The following CNGB3 variants were observed in gnomAD, a reference collection of about 807,000 sequenced individuals.
CNGB3 encodes cyclic nucleotide-gated channel beta-3.
In CNGB3, 86 loss-of-function variants were observed where a neutral mutation model predicts 92.8. The ratio of observed to expected loss-of-function variants is 0.93; its 90% CI spans 0.78 to 1.11. CNGB3 has a LOEUF of 1.11. Among genes scored for constraint, CNGB3 ranks in the 50% least tolerant of loss-of-function variants. The pLI is 0.00. For missense variants in CNGB3, 1,026 were observed against 956.8 expected, an observed-to-expected ratio of 1.07 and a Z score of -0.95; for synonymous variants, 333 against 332.7, an observed-to-expected ratio of 1.00 and a Z score of -0.01.
At chr8:86,602,510 C>A (rs1373148476) in intron 15 of CNGB3, among the ~76,000 whole-genome samples, 3 of 152,236 alleles carry the variant, frequency 2.0e-5, no homozygotes, top group Middle Eastern at 3.4e-3. Flanking sequence ...GATCACTGGA[C>A]CCCGATCCGT....
At chr8:86,688,325 A>T (rs907632287) in intron 3 of CNGB3, among the ~76,000 whole-genome samples, 1 of 152,092 alleles carries the variant, frequency 6.6e-6, no homozygotes, top group South Asian at 2.1e-4. Flanking sequence ...AAAATGGACA[A>T]ATATTACCTG....
chr8:86,629,640 G>C (rs1822921916), intron 11 of CNGB3, among the ~76,000 whole-genome samples: 2 of 152,120 alleles, frequency 1.3e-5, no homozygotes, highest in Admixed American at 1.3e-4. Context: ...TTCCCTTTGT[G>C]TTGTTTAGAC....
chr8:86,597,605 T>C (rs73271527), intron 15 of CNGB3, among the ~76,000 whole-genome samples: 5,929 of 151,946 alleles, frequency 0.039, 326 homozygotes, highest in African/African-American at 0.13. Context: ...GCGGAGGTAA[T>C]AGAATGTGCA....
chr8:86,736,976 G>A (rs753098270), intron 2 of CNGB3, among the ~76,000 whole-genome samples: 5 of 152,194 alleles, frequency 3.3e-5, no homozygotes, highest in East Asian at 1.9e-4. Flanking sequence ...TTGCATTCAC[G>A]TTGAAAAATA....
chr8:86,646,490 G>T (rs371968870), intron 8 of CNGB3, among the ~76,000 whole-genome samples: 1 of 151,162 alleles, frequency 6.6e-6, no homozygotes, highest in Admixed American at 6.6e-5. Context: ...AGATTTTTCC[G>T]CCATGCTAAT....
intron 3 of CNGB3, among the ~76,000 whole-genome samples, chr8:86,690,345 CT>C (rs1302216228): frequency 1.2e-4 from 18 of 152,310 alleles, no homozygotes; most frequent in African/African-American, 4.3e-4. Context: ...GTGTTTTTGG[CT>C]GCATAAATGT....
intron 13 of CNGB3, among the ~76,000 whole-genome samples, 159 bp from the exon 14 acceptor site, chr8:86,611,830 GA>G (rs1401300778): frequency 1.3e-5 from 2 of 151,526 alleles, no homozygotes; most frequent in Non-Finnish European, 2.9e-5. Flanking sequence ...TCAAAATTTA[GA>G]AAAAAAATAC....
intron 2 of CNGB3, among the ~76,000 whole-genome samples, chr8:86,729,628 A>G (rs1825125862): frequency 6.6e-6 from 1 of 152,246 alleles, no homozygotes; most frequent in Non-Finnish European, 1.5e-5. Flanking sequence ...AAGCAGAACA[A>G]CAACTTAAAA....
intron 13 of CNGB3, among the ~76,000 whole-genome samples, chr8:86,621,814 C>T (rs1338874097): frequency 2.0e-5 from 3 of 152,166 alleles, no homozygotes; most frequent in Non-Finnish European, 4.4e-5. Flanking sequence ...CCTGTAATCC[C>T]AGCACTTTGG....
chr8:86,583,811 T>C (rs891876161), intron 15 of CNGB3, among the ~76,000 whole-genome samples: 1 of 148,992 alleles, frequency 6.7e-6, no homozygotes, highest in Non-Finnish European at 1.5e-5. Flanking sequence ...TCCCAGCTAC[T>C]TGGGAGGCTG....
intron 5 of CNGB3, 101 bp downstream of exon 5, chr8:86,667,918 A>T (rs1484647998): frequency 1.6e-6 from 2 of 1,271,340 alleles, no homozygotes; most frequent in Non-Finnish European, 1.1e-6. Flanking sequence ...TAGATTGAGA[A>T]TATGAAGTAA....
intron 3 of CNGB3, among the ~76,000 whole-genome samples, chr8:86,720,862 A>G (rs1255401231): frequency 1.3e-5 from 2 of 150,658 alleles, no homozygotes; most frequent in Admixed American, 1.3e-4. Context: ...ACACACACAC[A>G]CACACACACA....
intron 3 of CNGB3, among the ~76,000 whole-genome samples, chr8:86,705,843 G>A (rs1347662963): frequency 1.3e-5 from 2 of 152,202 alleles, no homozygotes; most frequent in South Asian, 4.1e-4. Context: ...TTTAAATGAT[G>A]TGGATTATAG....
intron 8 of CNGB3, among the ~76,000 whole-genome samples, chr8:86,646,103 G>A (rs1823287955): frequency 6.6e-6 from 1 of 151,022 alleles, no homozygotes; most frequent in South Asian, 2.1e-4. Flanking sequence ...TTATCATAAT[G>A]CCAGATAAAC....
intron 8 of CNGB3, among the ~76,000 whole-genome samples, chr8:86,645,242 A>T (rs1563738653): frequency 6.6e-6 from 1 of 151,324 alleles, no homozygotes; most frequent in Non-Finnish European, 1.5e-5. Flanking sequence ...AAGCAGAGTT[A>T]CTATTTCCCT....
chr8:86,723,227 C>T (rs544835465), intron 3 of CNGB3, among the ~76,000 whole-genome samples: 13 of 152,118 alleles, frequency 8.5e-5, no homozygotes, highest in Non-Finnish European at 1.9e-4. Flanking sequence ...CCCTATTCAG[C>T]TCAAGGCTTA....
intron 9 of CNGB3, among the ~76,000 whole-genome samples, chr8:86,644,094 A>T (rs555774662): frequency 6.6e-6 from 1 of 151,178 alleles, no homozygotes; most frequent in African/African-American, 2.4e-5. Context: ...AAAAAGAAAA[A>T]GAAAACTTCC....
chr8:86,728,091 C>T (rs1825094968), intron 2 of CNGB3, among the ~76,000 whole-genome samples: 1 of 152,110 alleles, frequency 6.6e-6, no homozygotes, highest in African/African-American at 2.4e-5. Flanking sequence ...CATCTCCTAT[C>T]TACTTTTATT....
At chr8:86,585,977 T>C (rs1380324824) in intron 15 of CNGB3, among the ~76,000 whole-genome samples, 1 of 152,190 alleles carries the variant, frequency 6.6e-6, no homozygotes, top group African/African-American at 2.4e-5. Flanking sequence ...GAGAAACAAA[T>C]AATCTGTTTT....
Sources: gnomAD v4.1 joint callset for allele counts (sites outside exome capture counted in the v4.1 genomes callset) on GRCh38, gnomAD v4.1.1 for gene constraint, MANE v1.5 for transcripts, NCBI Gene and HGNC (gene_info 2026-07-23, HGNC 2026-07-21) for gene names.